The following CDK14 variants were observed in gnomAD, a reference collection of about 807,000 sequenced individuals.
CDK14 encodes cyclin-dependent kinase 14.
Under a neutral mutation model 60.7 loss-of-function variants are expected in CDK14, and 34 were observed. That is an observed-to-expected ratio of 0.56 (90% confidence interval 0.43 to 0.75). The LOEUF (loss-of-function observed/expected upper bound fraction) is 0.75. Ranked by LOEUF, CDK14 falls within the 30% of genes least tolerant of loss-of-function variation. The pLI is 0.00. For synonymous variants in CDK14, 197 were observed against 203.7 expected (o/e 0.97, Z 0.28); for missense variants, 482 against 564.1 (o/e 0.85, Z 1.47).
chr7:91,112,484 T>A (rs1799492196), intron 12 of CDK14, 58 bp from the exon 13 acceptor site: 2 of 1,555,410 alleles, frequency 1.3e-6, no homozygotes, highest in Non-Finnish European at 1.7e-6. Context: ...AAGCTTTATG[T>A]CTTATTTAGT....
Position 90,989,136 on chromosome 7 carries a change from G to C in CDK14, c.1041+4895G>C, listed in dbSNP as rs189422996. Among the ~76,000 whole-genome samples, 45 of 152,148 alleles carry C rather than the reference G, an allele frequency of 3.0e-4. No homozygotes were observed. In the East Asian group the frequency reaches 8.5e-3, roughly 29 times the overall value. ...GCATTAAACTGACTGTGGAGGTATA[G>C]TTTGCAGATTCAGTTCCTGTCCTTG... On this transcript the variant is annotated intron_variant, in intron 10 of 14. Coordinates refer to ENST00000380050, the MANE Select transcript of CDK14 (RefSeq NM_001287135.2).
At chr7:90,752,716 A>G (rs1470138792) in intron 4 of CDK14, among the ~76,000 whole-genome samples, 1 of 152,158 alleles carries the variant, frequency 6.6e-6, no homozygotes, top group Non-Finnish European at 1.5e-5. Context: ...AAATGAAATC[A>G]AAAGTTGGTT....
At chr7:90,909,000 A>G (rs1055373078) in intron 7 of CDK14, among the ~76,000 whole-genome samples, 15 of 152,100 alleles carry the variant, frequency 9.9e-5, no homozygotes, top group African/African-American at 3.6e-4. Context: ...ATTTTGATTG[A>G]GTATCTAAAA....
chr7:91,003,335 G>A (rs1471125666), intron 10 of CDK14, among the ~76,000 whole-genome samples: 2 of 152,020 alleles, frequency 1.3e-5, no homozygotes, highest in Non-Finnish European at 2.9e-5. Context: ...GGTCACTGTC[G>A]CAGTCTCCAT....
intron 14 of CDK14, among the ~76,000 whole-genome samples, chr7:91,129,056 T>C (rs1800040763): frequency 6.6e-6 from 1 of 152,196 alleles, no homozygotes; most frequent in Admixed American, 6.5e-5. Flanking sequence ...AGAAAAGAAA[T>C]GATAGTTTTA....
chr7:91,131,569 A>G (rs940373522), intron 14 of CDK14, among the ~76,000 whole-genome samples: 4 of 152,280 alleles, frequency 2.6e-5, no homozygotes, highest in African/African-American at 7.2e-5. Context: ...TCAACTTTCT[A>G]AATGAAAATG....
At position 90,917,634 on chromosome 7, in the gene CDK14, T is replaced by C; in HGVS notation, c.736T>C (p.Tyr246His). 6.2e-7 allele frequency: 1 copy of C among 1,613,682 alleles called. No individual in the cohort carries two copies. Among genetic ancestry groups the C allele is most frequent in the Non-Finnish European group, 8.5e-7 (1 of 1,179,642 alleles). The change falls in exon 8 of 15, where the codon TAC becomes CAC. Residue 246 changes from tyrosine to histidine, a missense_variant. Coordinates refer to ENST00000380050, the MANE Select transcript of CDK14 (RefSeq NM_001287135.2). ...FLFQLLRGLS[Y>H]IHQRYILHRD... ...ATTTCAGTTGCTGCGAGGTCTGTCT[T>C]ACATCCACCAGCGTTATATTTTGCA...
intron 8 of CDK14, among the ~76,000 whole-genome samples, chr7:90,934,123 G>A (rs949532477): frequency 2.6e-5 from 4 of 152,246 alleles, no homozygotes; most frequent in African/African-American, 7.2e-5. Flanking sequence ...CTGGAAAGGC[G>A]GTCAGTGCCC....
chr7:91,204,205 T>G (rs953384852), intron 14 of CDK14, among the ~76,000 whole-genome samples: 2 of 152,174 alleles, frequency 1.3e-5, no homozygotes, highest in African/African-American at 4.8e-5. Context: ...TTAAGGCTTT[T>G]GTTTTTGAGG....
intron 2 of CDK14, among the ~76,000 whole-genome samples, chr7:90,669,635 C>T (rs1801059424): frequency 6.6e-6 from 1 of 152,222 alleles, no homozygotes; most frequent in African/African-American, 2.4e-5. Context: ...ATCAATTAAA[C>T]AGCTGGATCT....
intron 2 of CDK14, among the ~76,000 whole-genome samples, chr7:90,663,714 C>T (rs1800910939): frequency 6.6e-6 from 1 of 152,126 alleles, no homozygotes. Context: ...GGTTCAAGAG[C>T]TCCTCGATAA....
intron 6 of CDK14, among the ~76,000 whole-genome samples, chr7:90,881,679 G>T (rs1791758361): frequency 6.6e-6 from 1 of 152,126 alleles, no homozygotes; most frequent in Non-Finnish European, 1.5e-5. Context: ...GTTAAGGGCA[G>T]CCAGGGAGAA....
chr7:91,040,963 T>A (rs181330309), intron 10 of CDK14, among the ~76,000 whole-genome samples: 4 of 152,342 alleles, frequency 2.6e-5, no homozygotes, highest in Admixed American at 2.6e-4. Flanking sequence ...TAGAATTTGC[T>A]TTTCTCCTGT....
intron 12 of CDK14, 52 bp from the exon 13 acceptor site, chr7:91,112,490 T>G: frequency 6.4e-7 from 1 of 1,566,512 alleles, no homozygotes; most frequent in Non-Finnish European, 8.7e-7. Flanking sequence ...TATGTCTTAT[T>G]TAGTGGATTT....
At chr7:90,961,818 G>T (rs1217722851) in intron 9 of CDK14, among the ~76,000 whole-genome samples, 1 of 152,190 alleles carries the variant, frequency 6.6e-6, no homozygotes, top group African/African-American at 2.4e-5. Context: ...TTAAAATTAG[G>T]ATGACCCTGT....
rs1272495017 is a variant in CDK14, at chr7:91,181,962, T to C, written c.*29-25203T>C. 2.0e-5 allele frequency among the ~76,000 whole-genome samples: 3 copies of C among 152,310 alleles called. No individual in the cohort carries two copies. In the East Asian group the frequency reaches 5.8e-4, roughly 29 times the overall value. ...GCTACTAGGTTGATCATTGTTCCTA[T>C]ACCTTTTTAATAGATTATGATATGT... is the stretch of plus-strand genomic sequence containing the variant. On this transcript the variant is annotated intron_variant, in intron 14 of 14. Coordinates refer to ENST00000380050, the MANE Select transcript of CDK14 (RefSeq NM_001287135.2).
At chr7:91,200,007 T>A (rs1802667757) in intron 14 of CDK14, among the ~76,000 whole-genome samples, 1 of 152,186 alleles carries the variant, frequency 6.6e-6, no homozygotes, top group South Asian at 2.1e-4. Context: ...TTCCTTCTGT[T>A]TCATACCATT....
At chr7:91,191,501 A>G (rs1802360436) in intron 14 of CDK14, among the ~76,000 whole-genome samples, 1 of 151,858 alleles carries the variant, frequency 6.6e-6, no homozygotes, top group South Asian at 2.1e-4. Context: ...CCATATATAT[A>G]TATTCACACA....
intron 4 of CDK14, among the ~76,000 whole-genome samples, chr7:90,774,161 C>T (rs1804919236): frequency 6.6e-6 from 1 of 152,060 alleles, no homozygotes; most frequent in Admixed American, 6.6e-5. Flanking sequence ...GCCCTGGCCT[C>T]CCAGAGTGCT....
Sources: allele counts gnomAD v4.1 joint callset (sites outside exome capture counted in the v4.1 genomes callset), GRCh38; gene constraint gnomAD v4.1.1; transcripts MANE v1.5; gene names NCBI Gene and HGNC (gene_info 2026-07-23, HGNC 2026-07-21).